The following ITGBL1 variants were observed in gnomAD, a reference collection of about 807,000 sequenced individuals.
ITGBL1 encodes integrin beta-like protein 1.
In ITGBL1, 51 loss-of-function variants were observed where a neutral mutation model predicts 68.5. The observed-to-expected ratio is 0.74, with a 90% CI of 0.59 to 0.94. The LOEUF (loss-of-function observed/expected upper bound fraction) is 0.94. Among genes scored for constraint, ITGBL1 ranks in the 40% least tolerant of loss-of-function variants. The pLI is 0.00. For synonymous variants in ITGBL1, 209 were observed against 227.3 expected, an observed-to-expected ratio of 0.92 and a Z score of 0.72; for missense variants, 649 against 647.4, an observed-to-expected ratio of 1.00 and a Z score of -0.03.
At chr13:101,664,138 A>T (rs1341740898) in intron 7 of ITGBL1, among the ~76,000 whole-genome samples, 2 of 152,184 alleles carry the variant, frequency 1.3e-5, no homozygotes, top group African/African-American at 4.8e-5. Context: ...GTGAAATACA[A>T]AGGCTCTGAA....
Position 101,598,030 on chromosome 13 carries a change from A to G in ITGBL1, c.869-123A>G, listed in dbSNP as rs116831328. On this transcript the variant is annotated intron_variant, in intron 6 of 10. Transcript: ENST00000376180. ...TTGAGAAAAATGTGCGTTTGCCTTA[A>G]TATGTTATATTATGTTCATCAAGAT... 1.9e-3 allele frequency: 1,620 copies of G among 855,126 alleles called. 17 individuals are homozygous for G. In the African/African-American group the frequency reaches 0.025, roughly 13 times the overall value. 53.0% of individuals were successfully genotyped at this position (855,126 alleles called of 1,614,324 possible).
intron 3 of ITGBL1, among the ~76,000 whole-genome samples, chr13:101,568,801 T>G (rs1189576854): frequency 6.6e-6 from 1 of 152,068 alleles, no homozygotes; most frequent in Non-Finnish European, 1.5e-5. Context: ...TGCAACAGAT[T>G]GTGTGTTTTA....
intron 2 of ITGBL1, among the ~76,000 whole-genome samples, chr13:101,535,726 G>A (rs9518430): frequency 0.77 from 117,212 of 152,006 alleles, 45,173 homozygotes; most frequent in South Asian, 0.81. Flanking sequence ...GTTCGGAGAT[G>A]TTCTTAAGCT....
intron 2 of ITGBL1, among the ~76,000 whole-genome samples, chr13:101,473,331 C>T (rs1277483742): frequency 6.6e-6 from 1 of 152,166 alleles, no homozygotes; most frequent in African/African-American, 2.4e-5. Context: ...GTGGAGAGAT[C>T]ATCTCTGTGC....
intron 7 of ITGBL1, among the ~76,000 whole-genome samples, chr13:101,653,015 G>C (rs565269885): frequency 3.9e-5 from 6 of 151,990 alleles, no homozygotes; most frequent in African/African-American, 1.2e-4. Context: ...AGAATTGCTC[G>C]AACCCGGGAG....
At chr13:101,606,984 A>C (rs2030897345) in intron 7 of ITGBL1, among the ~76,000 whole-genome samples, 1 of 152,116 alleles carries the variant, frequency 6.6e-6, no homozygotes, top group South Asian at 2.1e-4. Flanking sequence ...ATAATTTATA[A>C]ATGCCATAAT....
At chr13:101,690,342 G>T (rs1322526071) in intron 7 of ITGBL1, among the ~76,000 whole-genome samples, 1 of 152,112 alleles carries the variant, frequency 6.6e-6, no homozygotes, top group Non-Finnish European at 1.5e-5. Context: ...AGCCAATGAG[G>T]CACATTCAGG....
At chr13:101,494,748 C>T (rs954854763) in intron 2 of ITGBL1, among the ~76,000 whole-genome samples, 32 of 152,212 alleles carry the variant, frequency 2.1e-4, no homozygotes, top group Middle Eastern at 3.4e-3. Flanking sequence ...GATGAACAAT[C>T]GAGTTTAAAA....
intron 2 of ITGBL1, among the ~76,000 whole-genome samples, chr13:101,560,711 A>T (rs1321485226): frequency 1.3e-5 from 2 of 152,208 alleles, no homozygotes; most frequent in South Asian, 2.1e-4. Flanking sequence ...ACAAGTAAAC[A>T]TTCCAAGTGG....
intron 1 of ITGBL1, 59 bp from the exon 2 acceptor site, chr13:101,453,824 G>A (rs778754913): frequency 1.7e-6 from 2 of 1,146,212 alleles, no homozygotes; most frequent in Non-Finnish European, 2.2e-6. Context: ...ACGTGGGTTC[G>A]GAGCAGGGGG....
chr13:101,526,265 C>T (rs2049377540), intron 2 of ITGBL1, among the ~76,000 whole-genome samples: 1 of 151,680 alleles, frequency 6.6e-6, no homozygotes, highest in Admixed American at 6.6e-5. Flanking sequence ...ATCAACCCGT[C>T]ATCTACATTA....
At chr13:101,622,532 T>C (rs147648941) in intron 7 of ITGBL1, among the ~76,000 whole-genome samples, 1 of 152,150 alleles carries the variant, frequency 6.6e-6, no homozygotes, top group Non-Finnish European at 1.5e-5. Context: ...GTATTTGCCG[T>C]TTACTATAAT....
intron 9 of ITGBL1, 42 bp downstream of exon 9, chr13:101,706,944 A>G: frequency 6.3e-7 from 1 of 1,591,638 alleles, no homozygotes; most frequent in Non-Finnish European, 8.6e-7. Flanking sequence ...TCCTGTTCTG[A>G]CACATGATTT....
intron 7 of ITGBL1, among the ~76,000 whole-genome samples, chr13:101,665,844 G>A (rs376858679): frequency 2.8e-4 from 42 of 152,216 alleles, no homozygotes; most frequent in African/African-American, 7.0e-4. Flanking sequence ...AAACCACAGC[G>A]TTGCACAAAG....
chr13:101,691,728 G>C (rs1471478646), intron 7 of ITGBL1, among the ~76,000 whole-genome samples: 1 of 152,204 alleles, frequency 6.6e-6, no homozygotes, highest in Non-Finnish European at 1.5e-5. Flanking sequence ...TGCAAACTTT[G>C]AGGTTAATGA....
chr13:101,485,273 T>A (rs947381354), intron 2 of ITGBL1, among the ~76,000 whole-genome samples: 5 of 152,122 alleles, frequency 3.3e-5, no homozygotes, highest in Admixed American at 2.6e-4. Flanking sequence ...CACTAAGTCA[T>A]GAAAAGAACT....
chr13:101,570,695 A>G (rs1368254167), intron 3 of ITGBL1, among the ~76,000 whole-genome samples: 1 of 152,194 alleles, frequency 6.6e-6, no homozygotes, highest in African/African-American at 2.4e-5. Context: ...AAAGAAAAAT[A>G]GTTGGTTGGC....
intron 2 of ITGBL1, among the ~76,000 whole-genome samples, chr13:101,515,685 G>T (rs1403882285): frequency 1.3e-5 from 2 of 151,980 alleles, no homozygotes; most frequent in African/African-American, 2.4e-5. Flanking sequence ...GTAGAGGGTA[G>T]GGTTAGCCAA....
At chr13:101,621,681 T>G (rs376912008) in intron 7 of ITGBL1, among the ~76,000 whole-genome samples, 3 of 152,180 alleles carry the variant, frequency 2.0e-5, no homozygotes, top group African/African-American at 7.2e-5. Flanking sequence ...TCAGTCTTAA[T>G]GCATTGAAAT....
Sources: gnomAD v4.1 joint callset for allele counts (sites outside exome capture counted in the v4.1 genomes callset) on GRCh38, gnomAD v4.1.1 for gene constraint, MANE v1.5 for transcripts, NCBI Gene and HGNC (gene_info 2026-07-23, HGNC 2026-07-21) for gene names.